Variants in ROR1 observed in about 807,000 individuals in gnomAD.
ROR1 encodes inactive tyrosine-protein kinase transmembrane receptor ROR1.
Under a neutral mutation model 78.8 loss-of-function variants are expected in ROR1, and 19 were observed. The ratio of observed to expected loss-of-function variants is 0.24; its 90% CI spans 0.17 to 0.35. The LOEUF (loss-of-function observed/expected upper bound fraction) is 0.35, where lower values mean the gene tolerates loss of function less well. Ranked by LOEUF, ROR1 falls within the 10% of genes least tolerant of loss-of-function variation. ROR1 has a pLI of 1.00. For missense variants in ROR1, 917 were observed against 1,177.8 expected (o/e 0.78, Z 3.24); for synonymous variants, 386 against 433.6 (o/e 0.89, Z 1.36).
chr1:64,115,391 T>TTTTA (rs1447175178), intron 4 of ROR1, among the ~76,000 whole-genome samples: 117 of 152,036 alleles, frequency 7.7e-4, no homozygotes, highest in African/African-American at 2.6e-3. Flanking sequence ...AATTTTTAAT[T>TTTTA]TTTATTTATT....
At chr1:64,051,381 C>T (rs765748106) in intron 4 of ROR1, among the ~76,000 whole-genome samples, 5 of 151,152 alleles carry the variant, frequency 3.3e-5, no homozygotes, top group Non-Finnish European at 7.4e-5. Flanking sequence ...ACCCGGGAGG[C>T]GGAGCTTGCA....
intron 7 of ROR1, among the ~76,000 whole-genome samples, chr1:64,153,945 A>G (rs1226125217): frequency 1.3e-5 from 2 of 152,220 alleles, no homozygotes; most frequent in African/African-American, 2.4e-5. Flanking sequence ...GATTAGCCCA[A>G]TTCTTTTATA....
At chr1:63,843,142 G>T in intron 1 of ROR1, 1 of 814,436 alleles carries the variant, frequency 1.2e-6, no homozygotes, top group South Asian at 1.5e-5. Context: ...CAACCCCCGA[G>T]GGCAGATGTG....
At chr1:63,935,496 G>A (rs773724770) in intron 1 of ROR1, among the ~76,000 whole-genome samples, 84 of 151,968 alleles carry the variant, frequency 5.5e-4, no homozygotes, top group Non-Finnish European at 1.0e-3. Flanking sequence ...TTTCTCTAAC[G>A]GAAACCCCAA....
intron 1 of ROR1, among the ~76,000 whole-genome samples, chr1:63,965,984 G>A (rs1646071784): frequency 6.6e-6 from 1 of 152,146 alleles, no homozygotes; most frequent in African/African-American, 2.4e-5. Context: ...CTTTAAAGTG[G>A]GGATAGGACT....
At chr1:64,006,073 A>G (rs907443898) in intron 1 of ROR1, among the ~76,000 whole-genome samples, 9 of 152,354 alleles carry the variant, frequency 5.9e-5, no homozygotes, top group African/African-American at 2.2e-4. Context: ...CATTGGTCCC[A>G]AATTATATTC....
intron 1 of ROR1, among the ~76,000 whole-genome samples, chr1:63,796,326 G>T (rs868299138): frequency 2.0e-5 from 3 of 152,122 alleles, no homozygotes; most frequent in Non-Finnish European, 4.4e-5. Context: ...AAGCAATAAG[G>T]TTGGACCAAG....
At chr1:64,122,236 T>C (rs920483223) in intron 4 of ROR1, among the ~76,000 whole-genome samples, 1 of 152,212 alleles carries the variant, frequency 6.6e-6, no homozygotes, top group African/African-American at 2.4e-5. Flanking sequence ...GAGTCATCAA[T>C]GCAATTTAAC....
intron 4 of ROR1, among the ~76,000 whole-genome samples, chr1:64,067,137 C>T (rs1180614035): frequency 6.6e-6 from 1 of 151,796 alleles, no homozygotes; most frequent in Admixed American, 6.6e-5. Context: ...ATCACTTGAG[C>T]CCAGGAGTTG....
chr1:63,880,573 T>C (rs1645315572), intron 1 of ROR1, among the ~76,000 whole-genome samples: 1 of 152,204 alleles, frequency 6.6e-6, no homozygotes, highest in South Asian at 2.1e-4. Context: ...TCTTTTATAT[T>C]ATTTCTTTAA....
chr1:63,823,491 C>T (rs1290279067), intron 1 of ROR1, among the ~76,000 whole-genome samples: 1 of 124,192 alleles, frequency 8.1e-6, no homozygotes, highest in African/African-American at 3.1e-5. Flanking sequence ...ACTCTGCCAT[C>T]CAGGCTGGAT....
chr1:63,780,846 A>G (rs1339049365), intron 1 of ROR1, among the ~76,000 whole-genome samples: 7 of 152,176 alleles, frequency 4.6e-5, no homozygotes, highest in Non-Finnish European at 8.8e-5. Context: ...AGAATCCTAC[A>G]ATGGGGAATG....
At chr1:63,975,163 T>G (rs1221747166) in intron 1 of ROR1, among the ~76,000 whole-genome samples, 1 of 152,082 alleles carries the variant, frequency 6.6e-6, no homozygotes, top group African/African-American at 2.4e-5. Flanking sequence ...TCTTTGGAGG[T>G]GCTAACGAGC....
At chr1:63,866,186 T>C (rs544619376) in intron 1 of ROR1, among the ~76,000 whole-genome samples, 2 of 152,074 alleles carry the variant, frequency 1.3e-5, no homozygotes, top group African/African-American at 4.8e-5. Context: ...AATGTTAAAT[T>C]GATGGAGCTT....
intron 4 of ROR1, among the ~76,000 whole-genome samples, chr1:64,069,164 G>A (rs1031068606): frequency 2.0e-5 from 3 of 150,972 alleles, no homozygotes; most frequent in South Asian, 2.1e-4. Context: ...AACTGGTGGC[G>A]GGGGGAACTT....
chr1:63,853,469 A>G (rs1471762388), intron 1 of ROR1, among the ~76,000 whole-genome samples: 1 of 152,212 alleles, frequency 6.6e-6, no homozygotes, highest in Non-Finnish European at 1.5e-5. Context: ...TCCTTGGAGC[A>G]TTCAGATTTT....
At chr1:63,927,926 T>C (rs1645718979) in intron 1 of ROR1, among the ~76,000 whole-genome samples, 1 of 151,656 alleles carries the variant, frequency 6.6e-6, no homozygotes, top group Admixed American at 6.6e-5. Context: ...TGCGATCCAC[T>C]GACAAGTGAG....
chr1:64,082,659 C>T (rs1647113322), intron 4 of ROR1, among the ~76,000 whole-genome samples: 1 of 152,228 alleles, frequency 6.6e-6, no homozygotes, highest in African/African-American at 2.4e-5. Context: ...TTAGAAGCAG[C>T]ATTAGAGCTG....
At chr1:64,027,056 C>G (rs1646618020) in intron 2 of ROR1, among the ~76,000 whole-genome samples, 1 of 152,158 alleles carries the variant, frequency 6.6e-6, no homozygotes, top group East Asian at 1.9e-4. Context: ...TTCCTTTGAA[C>G]TTTGGATAAA....
Sources: gnomAD v4.1 joint callset for allele counts (sites outside exome capture counted in the v4.1 genomes callset) on GRCh38, gnomAD v4.1.1 for gene constraint, MANE v1.5 for transcripts, NCBI Gene and HGNC (gene_info 2026-07-23, HGNC 2026-07-21) for gene names.